Variants in KCNH5 observed in about 807,000 individuals in gnomAD.
The protein encoded by KCNH5 is voltage-gated delayed rectifier potassium channel KCNH5.
Under a neutral mutation model 96.1 loss-of-function variants are expected in KCNH5, and 46 were observed. The observed-to-expected ratio is 0.48, with a 90% confidence interval of 0.38 to 0.61. KCNH5 has a LOEUF of 0.61. KCNH5 is among the 20% of genes least tolerant of loss of function. The probability of loss-of-function intolerance (pLI) is 0.00; values close to 1 mark genes in which losing one functional copy is unlikely to be tolerated. For missense variants in KCNH5, 907 were observed against 1,225.8 expected (o/e 0.74, Z 3.88); for synonymous variants, 439 against 449.8 (o/e 0.98, Z 0.30).
intron 7 of KCNH5, among the ~76,000 whole-genome samples, chr14:62,883,919 G>T (rs968052975): frequency 6.6e-6 from 1 of 152,084 alleles, no homozygotes; most frequent in Non-Finnish European, 1.5e-5. Context: ...ATCTCAATTT[G>T]CTCCAGTCTA....
intron 1 of KCNH5, among the ~76,000 whole-genome samples, chr14:63,022,425 T>C (rs1052618357): frequency 4.6e-5 from 7 of 152,250 alleles, no homozygotes; most frequent in South Asian, 4.1e-4. Flanking sequence ...GGATTTTTTA[T>C]ACTGAAGCCA....
rs1446256030 is a variant in KCNH5, at chr14:63,007,368, C to T, written c.198-896G>A. Among the ~76,000 whole-genome samples, 6 of 152,284 alleles carry T rather than the reference C, an allele frequency of 3.9e-5. No individual in the cohort carries two copies. The East Asian group carries it at 1.2e-3, about 29-fold the overall frequency. On this transcript the variant is annotated intron_variant, in intron 2 of 10. Transcript: ENST00000322893. ...AATTTTCGAGAAGATAGAAAAGATGCTCTCTTTATACAGAAAGTTACATTC... is the reference window on the plus strand; with the variant it reads ...AATTTTCGAGAAGATAGAAAAGATGTTCTCTTTATACAGAAAGTTACATTC...
Position 62,752,150 on chromosome 14 carries a change from G to A in KCNH5, c.2019+27578C>T, listed in dbSNP as rs552430611. Among the ~76,000 whole-genome samples the A allele has an allele frequency of 4.0e-3, 606 of 152,210 alleles. 2 individuals carry two copies. The highest frequency in any genetic ancestry group is 6.9e-3 in the Non-Finnish European group (466 of 68,014). Reference sequence around the variant, plus strand: ...CCACTTTGGGTCTTGATCTGGAACTGCAATACCTCTTGCCTGATAGTGTAT... The same window carrying A: ...CCACTTTGGGTCTTGATCTGGAACTACAATACCTCTTGCCTGATAGTGTAT... On this transcript the variant is annotated intron_variant, in intron 10 of 10. Coordinates refer to ENST00000322893, the MANE Select transcript of KCNH5 (RefSeq NM_139318.5).
At chr14:62,778,743 A>G (rs1157334341) in intron 10 of KCNH5, among the ~76,000 whole-genome samples, 1 of 152,256 alleles carries the variant, frequency 6.6e-6, no homozygotes, top group East Asian at 1.9e-4. Flanking sequence ...ATTTGATAAC[A>G]AACGTATGAA....
In KCNH5 at chr14:62,735,182, G is replaced by A. The variant is rs971897426; in HGVS notation, c.2020-26727C>T. Among the ~76,000 whole-genome samples, 11 of 152,140 alleles carry A rather than the reference G, an allele frequency of 7.2e-5. No homozygotes were observed. In the East Asian group the frequency reaches 1.9e-3, roughly 27 times the overall value. On this transcript the variant is annotated intron_variant, in intron 10 of 10. Transcript: ENST00000322893. ...ATGATATTCAGTTTGAAAGTGGGAG[G>A]AGGATTTTGTAGCACAAGAGTCAAA...
At chr14:62,877,521 A>G (rs1239294510) in intron 7 of KCNH5, among the ~76,000 whole-genome samples, 1 of 152,250 alleles carries the variant, frequency 6.6e-6, no homozygotes, top group Non-Finnish European at 1.5e-5. Flanking sequence ...AACCCCATCA[A>G]CAAGTGGGCG....
At chr14:62,829,619 T>C (rs1248527819) in intron 8 of KCNH5, among the ~76,000 whole-genome samples, 1 of 152,162 alleles carries the variant, frequency 6.6e-6, no homozygotes, top group Non-Finnish European at 1.5e-5. Flanking sequence ...GGGCACCATG[T>C]CCTGAGGCTG....
At chr14:63,024,945 T>G (rs760313593) in intron 1 of KCNH5, among the ~76,000 whole-genome samples, 8 of 152,068 alleles carry the variant, frequency 5.3e-5, no homozygotes, top group Non-Finnish European at 1.2e-4. Context: ...TAGAAAATTA[T>G]CTGCCAATAT....
intron 10 of KCNH5, among the ~76,000 whole-genome samples, chr14:62,724,070 C>T (rs950907741): frequency 7.2e-5 from 11 of 152,128 alleles, no homozygotes; most frequent in Admixed American, 2.6e-4. Flanking sequence ...TTTAGATAAT[C>T]CAGAGGAGAC....
intron 3 of KCNH5, among the ~76,000 whole-genome samples, chr14:63,005,616 T>C (rs542068937): frequency 1.3e-5 from 2 of 152,300 alleles, no homozygotes; most frequent in East Asian, 1.9e-4. Flanking sequence ...AAGAACAATT[T>C]GAGGAAACAG....
At chr14:63,038,796 A>G (rs544041136) in intron 1 of KCNH5, among the ~76,000 whole-genome samples, 52 of 152,132 alleles carry the variant, frequency 3.4e-4, no homozygotes, top group African/African-American at 1.2e-3. Flanking sequence ...ATTAGTTTCT[A>G]TATTATATAA....
At chr14:62,796,364 T>C (rs1886541049) in intron 9 of KCNH5, among the ~76,000 whole-genome samples, 1 of 152,194 alleles carries the variant, frequency 6.6e-6, no homozygotes, top group African/African-American at 2.4e-5. Context: ...TTAATTCAAG[T>C]GCTAAAGACT....
rs1212864639 is a variant in KCNH5 at position 62,700,910 on chromosome 14, GC to G, written c.*6597del. 6.6e-6 allele frequency: 1 copy of G among 152,174 alleles called. No homozygotes were observed. Among genetic ancestry groups the G allele is most frequent in the Non-Finnish European group, 1.5e-5 (1 of 68,018 alleles). The allele number at this position is 152,174 out of a possible 1,614,324, so 9.4% of individuals were successfully genotyped here. On this transcript the variant is annotated 3_prime_UTR_variant, in exon 11 of 11. Transcript: ENST00000322893. Reference sequence around the variant, plus strand: ...AACTCAATGGAGAGTCTGACCAAAAGCTTTGGATAGAGGGAAGTGGTTACAT... The same window carrying G: ...AACTCAATGGAGAGTCTGACCAAAAGTTTGGATAGAGGGAAGTGGTTACAT...
chr14:62,787,902 A>T (rs373863272), intron 9 of KCNH5, among the ~76,000 whole-genome samples: 2 of 152,210 alleles, frequency 1.3e-5, no homozygotes, highest in African/African-American at 2.4e-5. Flanking sequence ...TTGACAATGC[A>T]TCTGGTCACC....
intron 6 of KCNH5, among the ~76,000 whole-genome samples, chr14:62,976,343 C>T (rs1301798773): frequency 1.4e-5 from 2 of 145,394 alleles, no homozygotes; most frequent in South Asian, 2.1e-4. Context: ...GCAGAGCTTG[C>T]AGTGAGCCGA....
chr14:62,823,134 C>T (rs1399742766), intron 8 of KCNH5, among the ~76,000 whole-genome samples: 1 of 151,958 alleles, frequency 6.6e-6, no homozygotes, highest in African/African-American at 2.4e-5. Flanking sequence ...TGACCCTGGA[C>T]TCCTCTGTGG....
At chr14:62,957,913 A>T (rs972667751) in intron 6 of KCNH5, among the ~76,000 whole-genome samples, 1 of 152,240 alleles carries the variant, frequency 6.6e-6, no homozygotes, top group South Asian at 2.1e-4. Flanking sequence ...CTGCAGACTC[A>T]TGAGTTGAAT....
At chr14:62,819,052 C>G (rs1014620585) in intron 8 of KCNH5, among the ~76,000 whole-genome samples, 1 of 152,182 alleles carries the variant, frequency 6.6e-6, no homozygotes, top group Non-Finnish European at 1.5e-5. Context: ...CTGAAAGCTC[C>G]GCCTTCCGGG....
chr14:63,001,280 T>A, intron 4 of KCNH5, 51 bp downstream of exon 4: 1 of 1,517,650 alleles, frequency 6.6e-7, no homozygotes, highest in Non-Finnish European at 8.9e-7. Flanking sequence ...AGTAAGAAGA[T>A]CTTTTAGCAA....
Sources: gnomAD v4.1 joint callset for allele counts (sites outside exome capture counted in the v4.1 genomes callset) on GRCh38, gnomAD v4.1.1 for gene constraint, MANE v1.5 for transcripts, NCBI Gene and HGNC (gene_info 2026-07-23, HGNC 2026-07-21) for gene names.